The following FHIP1A variants were observed in gnomAD, a reference collection of about 807,000 sequenced individuals.
FHIP1A encodes FHF complex subunit HOOK interacting protein 1A.
A neutral mutation model predicts 88.6 loss-of-function variants in FHIP1A; 61 were observed. The observed-to-expected ratio is 0.69, with a 90% confidence interval of 0.56 to 0.85. The LOEUF (loss-of-function observed/expected upper bound fraction) is 0.85, where lower values mean the gene tolerates loss of function less well. Among genes scored for constraint, FHIP1A ranks in the 40% least tolerant of loss-of-function variants. The pLI is 0.00. For synonymous variants in FHIP1A, 478 were observed against 496.0 expected (o/e 0.96, Z 0.48); for missense variants, 1,154 against 1,273.5 (o/e 0.91, Z 1.43).
chr4:151,512,498 T>G (rs1039149587), intron 3 of FHIP1A, among the ~76,000 whole-genome samples: 10 of 152,138 alleles, frequency 6.6e-5, no homozygotes, highest in Non-Finnish European at 1.3e-4. Flanking sequence ...ATGATCAAAC[T>G]ACTCCGAGCT....
At chr4:151,545,369 CTTTTT>C (rs569126288) in intron 3 of FHIP1A, among the ~76,000 whole-genome samples, 3 of 81,684 alleles carry the variant, frequency 3.7e-5, no homozygotes, top group African/African-American at 1.5e-4. Context: ...CCTTATCCTT[CTTTTT>C]TTTTTTTTTT....
Position 151,435,928 on chromosome 4 carries a change from C to T in FHIP1A, c.-355-18773C>T, listed in dbSNP as rs371149282. ...CTTTTGTTTGTTTCAGACTGATGAC[C>T]TATTTTCCATTTTTATGGAATATCA... On this transcript the variant is annotated intron_variant, in intron 1 of 13. Coordinates refer to ENST00000435205, the MANE Select transcript of FHIP1A (RefSeq NM_001109977.3). 2.6e-5 allele frequency among the ~76,000 whole-genome samples: 4 copies of T among 152,034 alleles called. No individual in the cohort carries two copies. The East Asian group carries it at 7.7e-4, about 29-fold the overall frequency.
intron 3 of FHIP1A, among the ~76,000 whole-genome samples, chr4:151,544,446 C>T (rs924291411): frequency 4.6e-5 from 7 of 152,178 alleles, no homozygotes; most frequent in African/African-American, 1.7e-4. Context: ...TACAGGGATA[C>T]TGATTAACCT....
At chr4:151,531,966 G>C (rs556270009) in intron 3 of FHIP1A, among the ~76,000 whole-genome samples, 1 of 152,288 alleles carries the variant, frequency 6.6e-6, no homozygotes, top group Admixed American at 6.5e-5. Flanking sequence ...GTAAAAGAAA[G>C]TTACAAAATA....
chr4:151,620,367 G>A (rs1735690114), intron 7 of FHIP1A, among the ~76,000 whole-genome samples: 1 of 152,166 alleles, frequency 6.6e-6, no homozygotes, highest in South Asian at 2.1e-4. Context: ...CTGTGGGCTT[G>A]GGGGGCTACT....
intron 5 of FHIP1A, among the ~76,000 whole-genome samples, chr4:151,585,642 G>A (rs1013882353): frequency 2.6e-5 from 4 of 152,122 alleles, no homozygotes; most frequent in African/African-American, 9.7e-5. Flanking sequence ...ATTCCACAAG[G>A]TAAAATCAAC....
chr4:151,622,619 T>C (rs1468337314), intron 7 of FHIP1A, among the ~76,000 whole-genome samples: 2 of 152,146 alleles, frequency 1.3e-5, no homozygotes, highest in African/African-American at 4.8e-5. Context: ...GAATAGTCCT[T>C]AGTTGCATAC....
At chr4:151,479,897 T>C (rs918201815) in intron 2 of FHIP1A, among the ~76,000 whole-genome samples, 8 of 152,054 alleles carry the variant, frequency 5.3e-5, no homozygotes, top group Non-Finnish European at 1.2e-4. Flanking sequence ...TTGTTGAAAT[T>C]AGGGATGTGA....
chr4:151,498,446 A>G (rs879805928), intron 3 of FHIP1A, among the ~76,000 whole-genome samples: 8 of 152,110 alleles, frequency 5.3e-5, no homozygotes, highest in Non-Finnish European at 7.4e-5. Flanking sequence ...CAACATCTCC[A>G]GGGTAGGGGA....
chr4:151,542,955 A>G (rs1383051965), intron 3 of FHIP1A, among the ~76,000 whole-genome samples: 2 of 152,212 alleles, frequency 1.3e-5, no homozygotes, highest in Non-Finnish European at 1.5e-5. Context: ...TGTATCTGAC[A>G]CAGTAAGAAT....
chr4:151,600,571 A>G (rs544151454), intron 7 of FHIP1A, among the ~76,000 whole-genome samples: 11 of 152,322 alleles, frequency 7.2e-5, no homozygotes, highest in African/African-American at 2.6e-4. Context: ...GACTTAAAAC[A>G]GCCATTGGTT....
chr4:151,649,516 A>G lies in FHIP1A; in HGVS notation c.1475A>G (p.Tyr492Cys), dbSNP rs1578861460. ...AFSESACIVE[Y>C]GKALDISYLQ... is the part of the protein sequence containing the mutation. ...TCCGAGTCAGCCTGCATTGTGGAGT[A>G]TGGGAAAGCCCTGGACATCAGCTAC... Residue 492 changes from tyrosine (Y) to cysteine (C), a missense_variant, in exon 11 of 14, where the codon TAT (tyrosine) becomes TGT (cysteine). Transcript: ENST00000435205. 12 of 1,551,676 alleles carry G rather than the reference A, an allele frequency of 7.7e-6. No individual in the cohort carries two copies. The highest frequency in any genetic ancestry group is 2.0e-5 in the Admixed American group (1 of 51,000).
At chr4:151,440,514 A>T (rs1317936227) in intron 1 of FHIP1A, among the ~76,000 whole-genome samples, 1 of 152,104 alleles carries the variant, frequency 6.6e-6, no homozygotes, top group African/African-American at 2.4e-5. Context: ...TCTTATCTCC[A>T]CCAATGACAC....
At chr4:151,654,794 C>T (rs907681535) in intron 11 of FHIP1A, among the ~76,000 whole-genome samples, 3 of 152,190 alleles carry the variant, frequency 2.0e-5, no homozygotes, top group Admixed American at 2.0e-4. Context: ...TTCAAAGAGT[C>T]TCTATCTGAA....
intron 8 of FHIP1A, among the ~76,000 whole-genome samples, chr4:151,636,803 C>T (rs1736374093): frequency 6.6e-6 from 1 of 152,038 alleles, no homozygotes; most frequent in Admixed American, 6.6e-5. Flanking sequence ...CCTATCTGGC[C>T]TATTTGTTGA....
intron 1 of FHIP1A, among the ~76,000 whole-genome samples, chr4:151,433,935 C>T (rs75577976): frequency 0.011 from 1,689 of 152,222 alleles, 33 homozygotes; most frequent in African/African-American, 0.037. Flanking sequence ...TATAGGGATG[C>T]TGTTGGGAGA....
chr4:151,427,807 T>C (rs960201480), intron 1 of FHIP1A, among the ~76,000 whole-genome samples: 7 of 152,070 alleles, frequency 4.6e-5, no homozygotes, highest in African/African-American at 1.7e-4. Context: ...CTTTTCCATG[T>C]GAGTAAAATC....
intron 3 of FHIP1A, among the ~76,000 whole-genome samples, chr4:151,554,264 C>T (rs1468222355): frequency 6.6e-6 from 1 of 152,156 alleles, no homozygotes; most frequent in Non-Finnish European, 1.5e-5. Context: ...GTGGCTGTTA[C>T]TGTTATCTGC....
chr4:151,561,022 G>T (rs188256053), intron 3 of FHIP1A, among the ~76,000 whole-genome samples: 211 of 152,094 alleles, frequency 1.4e-3, no homozygotes, highest in African/African-American at 4.9e-3. Context: ...CAGTTGCATG[G>T]CACTTGGGTA....
Sources: allele counts gnomAD v4.1 joint callset (sites outside exome capture counted in the v4.1 genomes callset), GRCh38; gene constraint gnomAD v4.1.1; transcripts MANE v1.5; gene names NCBI Gene and HGNC (gene_info 2026-07-23, HGNC 2026-07-21).